The following ITGBL1 variants were observed in gnomAD, a reference collection of about 807,000 sequenced individuals.
The protein encoded by ITGBL1 is integrin subunit beta like 1.
ITGBL1 carries 51 observed loss-of-function variants against 68.5 expected under a neutral mutation model. That is an observed-to-expected ratio of 0.74 (90% CI 0.59 to 0.94). ITGBL1 has a LOEUF of 0.94. Ranked by LOEUF, ITGBL1 falls within the 40% of genes least tolerant of loss-of-function variation. The pLI is 0.00. For missense variants in ITGBL1, 649 were observed against 647.4 expected (o/e 1.00, Z -0.03); for synonymous variants, 209 against 227.3 (o/e 0.92, Z 0.72).
intron 2 of ITGBL1, among the ~76,000 whole-genome samples, chr13:101,495,252 C>T (rs1050849250): frequency 6.6e-6 from 1 of 152,102 alleles, no homozygotes; most frequent in Non-Finnish European, 1.5e-5. Flanking sequence ...TCCTGGTGTT[C>T]ATTGCTTAGA....
Position 101,566,117 on chromosome 13 carries a change from TA to T in ITGBL1, c.317-1579del, listed in dbSNP as rs539736418. Among the ~76,000 whole-genome samples the T allele has an allele frequency of 7.9e-5, 12 of 152,324 alleles. No individual in the cohort carries two copies. In the South Asian group the frequency reaches 2.5e-3, roughly 32 times the overall value. On this transcript the variant is annotated intron_variant, in intron 2 of 10. Transcript: ENST00000376180. ...ACTGCTACCATAATGCTTTATCTTC[TA>T]AATCATTTCTATTTTCTTTACTGTT...
intron 2 of ITGBL1, among the ~76,000 whole-genome samples, chr13:101,474,826 A>G (rs1304407): frequency 0.14 from 21,672 of 152,216 alleles, 2,048 homozygotes; most frequent in East Asian, 0.43. Context: ...ACCACCAAGG[A>G]GATACCTTTA....
intron 7 of ITGBL1, among the ~76,000 whole-genome samples, chr13:101,629,069 T>G (rs1032066267): frequency 6.6e-6 from 1 of 152,170 alleles, no homozygotes; most frequent in Non-Finnish European, 1.5e-5. Context: ...CCTTTTTGTT[T>G]TGTTTAGTTG....
chr13:101,636,024 A>T (rs1349741193), intron 7 of ITGBL1, among the ~76,000 whole-genome samples: 1 of 152,144 alleles, frequency 6.6e-6, no homozygotes, highest in African/African-American at 2.4e-5. Context: ...ATACAAATTA[A>T]TTATTTACTC....
chr13:101,581,029 A>G (rs780029894), intron 5 of ITGBL1, among the ~76,000 whole-genome samples: 1 of 152,080 alleles, frequency 6.6e-6, no homozygotes, highest in South Asian at 2.1e-4. Context: ...TTCTCAAAAG[A>G]TAATACTCCT....
chr13:101,715,630 C>G lies in ITGBL1; in HGVS notation c.1461C>G (p.Ile487Met). The G allele has an allele frequency of 6.2e-7, 1 of 1,612,364 alleles. No homozygotes were observed. The highest frequency in any genetic ancestry group is 1.1e-5 in the South Asian group (1 of 91,038). The change falls in exon 11 of 11, where the codon ATC (isoleucine) becomes ATG (methionine). Residue 487 changes from isoleucine to methionine, a missense_variant. Physicochemically the swap from Ile to Met is conservative, Grantham distance 10. Transcript: ENST00000376180. The part of the protein sequence containing the change: ...WDGWNGNACE[I>M]WLGSEYP Reference sequence around the variant, plus strand: ...GATGGAATGGAAATGCATGTGAAATCTGGCTTGGCTCAGAATATCCTTAAC... The same window carrying G: ...GATGGAATGGAAATGCATGTGAAATGTGGCTTGGCTCAGAATATCCTTAAC...
At chr13:101,570,541 T>C (rs1026604498) in intron 3 of ITGBL1, among the ~76,000 whole-genome samples, 1 of 152,124 alleles carries the variant, frequency 6.6e-6, no homozygotes, top group Non-Finnish European at 1.5e-5. Flanking sequence ...GTCAAAAAAG[T>C]AGATTGAAGC....
At chr13:101,696,839 G>T (rs2034014545) in intron 8 of ITGBL1, among the ~76,000 whole-genome samples, 1 of 152,056 alleles carries the variant, frequency 6.6e-6, no homozygotes, top group South Asian at 2.1e-4. Context: ...CACAATTAAG[G>T]AGAATGAGAA....
intron 7 of ITGBL1, among the ~76,000 whole-genome samples, chr13:101,666,707 T>C (rs892691313): frequency 2.0e-5 from 3 of 152,176 alleles, no homozygotes; most frequent in African/African-American, 7.2e-5. Flanking sequence ...AAAGCAAAAA[T>C]AGGCATTTTA....
At chr13:101,505,424 G>T (rs1032978566) in intron 2 of ITGBL1, among the ~76,000 whole-genome samples, 1 of 152,188 alleles carries the variant, frequency 6.6e-6, no homozygotes, top group Non-Finnish European at 1.5e-5. Context: ...AGAATGTGAT[G>T]AAATGTTGGA....
At chr13:101,687,783 T>C (rs1441871402) in intron 7 of ITGBL1, among the ~76,000 whole-genome samples, 1 of 152,130 alleles carries the variant, frequency 6.6e-6, no homozygotes, top group Non-Finnish European at 1.5e-5. Flanking sequence ...TTGATGATGT[T>C]GGCTGAATTA....
At position 101,481,026 on chromosome 13, in the gene ITGBL1, G is replaced by GTC. The variant is rs201992705; in HGVS notation, c.316+26927_316+26928insCT. Among the ~76,000 whole-genome samples the GTC allele has an allele frequency of 2.7e-3, 367 of 138,456 alleles. 5 individuals carry two copies. The highest frequency in any genetic ancestry group is 3.6e-3 in the East Asian group (14 of 3,900). The allele number at this position is 138,456 out of a possible 152,430, so 90.8% of individuals were successfully genotyped here. The stretch of plus-strand genomic sequence containing the variant: ...TATGTGTGTGTGTGTGTGTGTGTGT[G>GTC]TGTGTGTGTGTACTCATATATGTGT... On this transcript the variant is annotated intron_variant, in intron 2 of 10. Transcript: ENST00000376180.
downstream of ITGBL1, chr13:101,719,260 T>A (rs1240932641): frequency 3.3e-5 from 5 of 152,088 alleles, no homozygotes; most frequent in Non-Finnish European, 7.4e-5. Context: ...AATAACAACT[T>A]TTAGTGCTTA....
chr13:101,566,787 C>G (rs891394561), intron 2 of ITGBL1, among the ~76,000 whole-genome samples: 1 of 152,156 alleles, frequency 6.6e-6, no homozygotes, highest in Non-Finnish European at 1.5e-5. Flanking sequence ...GTAACCCATT[C>G]AAAATCTGCT....
At chr13:101,636,671 C>T (rs560201775) in intron 7 of ITGBL1, among the ~76,000 whole-genome samples, 6 of 152,232 alleles carry the variant, frequency 3.9e-5, no homozygotes, top group African/African-American at 9.6e-5. Flanking sequence ...AAAATAGCTG[C>T]ATCTTGTGCT....
intron 2 of ITGBL1, among the ~76,000 whole-genome samples, chr13:101,549,641 G>C (rs1487540533): frequency 6.6e-6 from 1 of 151,884 alleles, no homozygotes; most frequent in African/African-American, 2.4e-5. Flanking sequence ...TTTTTTAAAA[G>C]ATTTTTTATA....
intron 6 of ITGBL1, among the ~76,000 whole-genome samples, chr13:101,590,864 A>G (rs994923863): frequency 2.0e-5 from 3 of 151,932 alleles, no homozygotes; most frequent in Non-Finnish European, 2.9e-5. Context: ...TTTGTCCTTA[A>G]CCTTACATGA....
intron 2 of ITGBL1, among the ~76,000 whole-genome samples, chr13:101,470,106 G>A (rs2048437075): frequency 6.6e-6 from 1 of 152,152 alleles, no homozygotes. Context: ...ATGGCAACAG[G>A]AGCTGGATCT....
At chr13:101,678,369 T>C (rs1340709382) in intron 7 of ITGBL1, among the ~76,000 whole-genome samples, 4 of 152,226 alleles carry the variant, frequency 2.6e-5, no homozygotes, top group Non-Finnish European at 5.9e-5. Flanking sequence ...AAGGAAAGTA[T>C]ATTATGTATT....
Sources: gnomAD v4.1 joint callset for allele counts (sites outside exome capture counted in the v4.1 genomes callset) on GRCh38, gnomAD v4.1.1 for gene constraint, MANE v1.5 for transcripts, NCBI Gene and HGNC (gene_info 2026-07-23, HGNC 2026-07-21) for gene names.